ORC4: variants seen among roughly 807,000 people sequenced by gnomAD.
The protein encoded by ORC4 is origin recognition complex subunit 4.
In ORC4, 55 loss-of-function variants were observed where a neutral mutation model predicts 63.9. That is an observed-to-expected ratio of 0.86 (90% confidence interval 0.69 to 1.08). ORC4 has a LOEUF of 1.08. Ranked by LOEUF, ORC4 falls within the 50% of genes least tolerant of loss-of-function variation. ORC4 has a pLI of 0.00. For missense variants in ORC4, 511 were observed against 504.4 expected (o/e 1.01, Z -0.13); for synonymous variants, 150 against 168.5 (o/e 0.89, Z 0.85).
chr2:147,936,251 GGGACAGGC>G (rs1290812396), intron 13 of ORC4: 1 of 154,952 alleles, frequency 6.5e-6, no homozygotes, highest in Admixed American at 6.3e-5. Flanking sequence ...TGGAGGAGAA[GGGACAGGC>G]TCCTGTTTCC....
intron 8 of ORC4, among the ~76,000 whole-genome samples, chr2:147,948,757 T>C (rs962719447): frequency 2.0e-5 from 3 of 151,370 alleles, no homozygotes. Flanking sequence ...AAATTTACTG[T>C]CAAAGAACAC....
chr2:147,939,347 A>G (rs1688239896), intron 10 of ORC4, 99 bp from the exon 11 acceptor site: 3 of 741,016 alleles, frequency 4.0e-6, no homozygotes, highest in African/African-American at 1.7e-5. Context: ...TTCTTAAGGG[A>G]GAGTAAATAT....
At chr2:147,965,835 A>G (rs1201985097) in intron 4 of ORC4, among the ~76,000 whole-genome samples, 1 of 152,188 alleles carries the variant, frequency 6.6e-6, no homozygotes, top group Admixed American at 6.5e-5. Context: ...CAGAAGTCTT[A>G]AAACATTTTT....
At position 147,938,188 on chromosome 2, in the gene ORC4, T is replaced by C. The variant is rs772177872; in HGVS notation, c.1080A>G (p.Lys360=). The part of the protein sequence containing the change: ...YNEFQKFVQR[K]AHSVYNFEKP... Reference sequence around the variant, plus strand: ...TTTCAAAATTATAAACGGAATGTGCTTTCCTTTGAACAAACTTCTGAAACT... The same window carrying C: ...TTTCAAAATTATAAACGGAATGTGCCTTCCTTTGAACAAACTTCTGAAACT... Residue 360 remains lysine (K), a synonymous_variant, in exon 13 of 14, where the codon AAA becomes AAG. Coordinates refer to ENST00000392857, the MANE Select transcript of ORC4 (RefSeq NM_181741.4). 103 of 1,612,812 alleles carry C rather than the reference T, an allele frequency of 6.4e-5. No homozygotes were observed. The highest frequency in any genetic ancestry group is 3.3e-4 in the Middle Eastern group (2 of 6,074).
rs542977757 is a variant in ORC4 at position 147,958,492 on chromosome 2, T to C, written c.302-109A>G. ...TTCCCAGTCAAAGCCTGTGAGTTCA[T>C]ATCACTTTCTTCTTAAAACTTAGCA... On this transcript the variant is annotated intron_variant, in intron 5 of 13. Coordinates refer to ENST00000392857, the MANE Select transcript of ORC4 (RefSeq NM_181741.4). 1.1e-5 allele frequency: 8 copies of C among 759,774 alleles called. No individual in the cohort carries two copies. In the South Asian group the frequency reaches 1.3e-4, roughly 12 times the overall value. The allele number at this position is 759,774 out of a possible 1,614,324, so 47.1% of individuals were successfully genotyped here.
intron 1 of ORC4, among the ~76,000 whole-genome samples, chr2:147,979,446 A>C (rs555784278): frequency 1.6e-4 from 24 of 152,356 alleles, no homozygotes; most frequent in African/African-American, 5.8e-4. Context: ...TGAAGACACA[A>C]ATAAATGGAA....
At chr2:148,009,697 T>C (rs994051341) in intron 1 of ORC4, among the ~76,000 whole-genome samples, 14 of 152,304 alleles carry the variant, frequency 9.2e-5, no homozygotes, top group African/African-American at 3.4e-4. Flanking sequence ...GAATTTAATC[T>C]GCACTATAGA....
In ORC4 at chr2:147,975,911, G is replaced by C; in HGVS notation, c.48C>G (p.Cys16Trp). Residue 16 changes from cysteine (C) to tryptophan (W), a missense_variant, in exon 2 of 14, where the codon TGC becomes TGG. Coordinates refer to ENST00000392857, the MANE Select transcript of ORC4 (RefSeq NM_181741.4). ...GAAAATACATACTAACCTGTGAAAG[G>C]CACTCTGTGTGAATTAAGCTGTTAC... ...SKSNSLIHTE[C>W]LSQVQRILRE... 6.4e-7 allele frequency: 1 copy of C among 1,560,856 alleles called. No individual in the cohort carries two copies. Among genetic ancestry groups the C allele is most frequent in the Non-Finnish European group, 8.8e-7 (1 of 1,131,874 alleles).
chr2:148,002,610 G>C (rs186080933), intron 1 of ORC4, among the ~76,000 whole-genome samples: 1 of 152,136 alleles, frequency 6.6e-6, no homozygotes, highest in Non-Finnish European at 1.5e-5. Flanking sequence ...CACAGCTAAA[G>C]CAGTGTGTAG....
intron 1 of ORC4, chr2:147,981,888 A>C (rs1346967123): frequency 6.6e-6 from 1 of 152,230 alleles, no homozygotes; most frequent in Non-Finnish European, 1.5e-5. Flanking sequence ...TTTTACATTC[A>C]CATTTATTAA....
chr2:147,937,840 G>C (rs966721437), intron 13 of ORC4: 23 of 326,544 alleles, frequency 7.0e-5, no homozygotes, highest in African/African-American at 4.3e-4. Context: ...TTACTGCTGA[G>C]ATTATAAAAG....
At chr2:147,939,330 T>G in intron 10 of ORC4, 82 bp from the exon 11 acceptor site, 4 of 814,160 alleles carry the variant, frequency 4.9e-6, no homozygotes, top group Non-Finnish European at 8.6e-6. Context: ...TGAATTTGTA[T>G]AGTTAATTCT....
At chr2:147,981,967 T>A (rs899699780) in intron 1 of ORC4, 1 of 152,202 alleles carries the variant, frequency 6.6e-6, no homozygotes, top group Non-Finnish European at 1.5e-5. Flanking sequence ...TGTTAACAGG[T>A]CCTTAGCTGA....
At chr2:147,958,436 TAC>T in intron 5 of ORC4, 53 bp from the exon 6 acceptor site, 1 of 1,310,824 alleles carries the variant, frequency 7.6e-7, no homozygotes, top group Non-Finnish European at 1.1e-6. Context: ...ATGTATTTGA[TAC>T]AGCAGGTTGT....
intron 1 of ORC4, among the ~76,000 whole-genome samples, chr2:148,013,245 C>A (rs1393993221): frequency 6.6e-6 from 1 of 151,446 alleles, no homozygotes; most frequent in Non-Finnish European, 1.5e-5. Flanking sequence ...TGTTATTCAG[C>A]CATAAAAAAA....
chr2:147,972,723 A>G lies in ORC4; in HGVS notation c.225+16T>C. 6.5e-7 allele frequency: 1 copy of G among 1,537,920 alleles called. No individual in the cohort carries two copies. The highest frequency in any genetic ancestry group is 9.0e-7 in the Non-Finnish European group (1 of 1,113,592). On this transcript the variant is annotated intron_variant, in intron 4 of 13. Coordinates refer to ENST00000392857, the MANE Select transcript of ORC4 (RefSeq NM_181741.4). ...TCATCACATGCCAACAAACACCAGA[A>G]ATCAACAGCTTTTACCATAGTTTTT... is the stretch of plus-strand genomic sequence containing the variant.
chr2:147,985,745 T>C (rs945385620), intron 1 of ORC4, among the ~76,000 whole-genome samples: 1 of 152,158 alleles, frequency 6.6e-6, no homozygotes, highest in African/African-American at 2.4e-5. Flanking sequence ...GAACTCCTGG[T>C]GACAGTCCTT....
chr2:147,947,029 CAAT>C (rs1028711073), intron 9 of ORC4, among the ~76,000 whole-genome samples: 2 of 151,866 alleles, frequency 1.3e-5, no homozygotes, highest in African/African-American at 4.8e-5. Flanking sequence ...TATAATCAAA[CAAT>C]AATCATTTAA....
chr2:148,019,601 C>T (rs1693557981), intron 1 of ORC4, among the ~76,000 whole-genome samples: 1 of 152,132 alleles, frequency 6.6e-6, no homozygotes, highest in Non-Finnish European at 1.5e-5. Context: ...AAACAAAAAA[C>T]AAACAAAAAG....
Sources: allele counts gnomAD v4.1 joint callset (sites outside exome capture counted in the v4.1 genomes callset), GRCh38; gene constraint gnomAD v4.1.1; transcripts MANE v1.5; gene names NCBI Gene and HGNC (gene_info 2026-07-23, HGNC 2026-07-21).